The following ADCY9 variants were observed in gnomAD, a reference collection of about 807,000 sequenced individuals.
The protein encoded by ADCY9 is adenylate cyclase type 9.
ADCY9 carries 50 observed loss-of-function variants against 101.5 expected under a neutral mutation model. The observed-to-expected ratio is 0.49, with a 90% confidence interval of 0.39 to 0.62. The LOEUF is 0.62. Ranked by LOEUF, ADCY9 falls within the 20% of genes least tolerant of loss-of-function variation. ADCY9 has a pLI of 0.00. For missense variants in ADCY9, 1,662 were observed against 1,800.4 expected, an observed-to-expected ratio of 0.92 and a Z score of 1.39; for synonymous variants, 905 against 769.3, an observed-to-expected ratio of 1.18 and a Z score of -2.92.
chr16:4,030,443 C>T (rs949977912), intron 2 of ADCY9, among the ~76,000 whole-genome samples: 3 of 152,016 alleles, frequency 2.0e-5, no homozygotes, highest in Non-Finnish European at 2.9e-5. Context: ...GGCTCAAGTC[C>T]GTAATCCCAG....
chr16:4,115,550 A>T lies in ADCY9; in HGVS notation c.-43-65T>A. ...AGGCATGCACGCCTAGAGGCCCGGGACCTGCTCCTGTCCTAAGGGGCGGCT... is the reference window on the plus strand; with the variant it reads ...AGGCATGCACGCCTAGAGGCCCGGGTCCTGCTCCTGTCCTAAGGGGCGGCT... On this transcript the variant is annotated intron_variant, in intron 1 of 10. Coordinates refer to ENST00000294016, the MANE Select transcript of ADCY9 (RefSeq NM_001116.4). This position sits in a 1 kb window ranked among gnomAD's most constrained non-coding sequence, Gnocchi z 6.2. 1 of 1,352,286 alleles carries T rather than the reference A, an allele frequency of 7.4e-7. No homozygotes were observed. The highest frequency in any genetic ancestry group is 9.8e-7 in the Non-Finnish European group (1 of 1,021,162). The allele number at this position is 1,352,286 out of a possible 1,614,324, so 83.8% of individuals were successfully genotyped here.
At chr16:4,045,312 C>T (rs750518969) in intron 2 of ADCY9, among the ~76,000 whole-genome samples, 5 of 152,078 alleles carry the variant, frequency 3.3e-5, no homozygotes, top group East Asian at 1.9e-4. Context: ...AGGAGCCAAA[C>T]GCGGCTGGGC....
rs546699941 is a variant in ADCY9 at position 3,977,968 on chromosome 16, C to T, written c.2680-338G>A. Among the ~76,000 whole-genome samples, 9 of 152,276 alleles carry T rather than the reference C, an allele frequency of 5.9e-5. 1 individual carries two copies. In the East Asian group the frequency reaches 7.7e-4, roughly 13 times the overall value. On this transcript the variant is annotated intron_variant, in intron 8 of 10. Coordinates refer to ENST00000294016, the MANE Select transcript of ADCY9 (RefSeq NM_001116.4). Reference sequence around the variant, plus strand: ...CTGACCTCAGGTGATCCACCTGCCTCGGCCTCTCAAAGTGCCTGGGATTAC... The same window carrying T: ...CTGACCTCAGGTGATCCACCTGCCTTGGCCTCTCAAAGTGCCTGGGATTAC...
chr16:4,007,698 C>T lies in ADCY9; in HGVS notation c.1694-140G>A, dbSNP rs80022374. On this transcript the variant is annotated intron_variant, in intron 2 of 10. Coordinates refer to ENST00000294016, the MANE Select transcript of ADCY9 (RefSeq NM_001116.4). ...AATGTGAATAGGTCATAGTTTACGA[C>T]GGACGTCCACGATCTCTCCAGAGAG... The T allele has an allele frequency of 3.0e-4, 196 of 655,298 alleles. 2 individuals are homozygous for T. Among genetic ancestry groups the T allele is most frequent in the African/African-American group, 2.5e-3 (139 of 54,718 alleles). 40.6% of individuals were successfully genotyped at this position (655,298 alleles called of 1,614,324 possible).
Position 4,114,525 on chromosome 16 carries a change from G to A in ADCY9, c.918C>T (p.Ser306=). The change falls in exon 2 of 11, where the codon TCC becomes TCT. Residue 306 remains serine, a synonymous_variant. Transcript: ENST00000294016. This position sits in a 1 kb window ranked among gnomAD's most constrained non-coding sequence, Gnocchi z 4.3. ...VHLFVMSQVR[S]RSTFLKVGQS... Reference sequence around the variant, plus strand: ...GCCCCACCTTGAGGAAGGTGCTCCTGGACCTCACCTGGGACATGACGAACA... The same window carrying A: ...GCCCCACCTTGAGGAAGGTGCTCCTAGACCTCACCTGGGACATGACGAACA... 1.2e-6 allele frequency: 2 copies of A among 1,614,162 alleles called. No individual in the cohort carries two copies. Among genetic ancestry groups the A allele is most frequent in the Non-Finnish European group, 1.7e-6 (2 of 1,180,042 alleles).
chr16:4,049,263 G>T (rs1416057840), intron 2 of ADCY9, among the ~76,000 whole-genome samples: 2 of 152,166 alleles, frequency 1.3e-5, no homozygotes, highest in Admixed American at 6.5e-5. Context: ...CCTGACCTGG[G>T]ACCAGAGAGA....
At chr16:4,113,365 G>T (rs1267346081) in intron 2 of ADCY9, among the ~76,000 whole-genome samples, 1 of 152,140 alleles carries the variant, frequency 6.6e-6, no homozygotes, top group African/African-American at 2.4e-5. Context: ...ACATTTGGAT[G>T]GGACTTCAGG....
intron 2 of ADCY9, among the ~76,000 whole-genome samples, chr16:4,075,746 CG>C (rs901064303): frequency 7.2e-5 from 11 of 151,864 alleles, no homozygotes; most frequent in Non-Finnish European, 1.6e-4. Context: ...GCTGGGGCAG[CG>C]GGGGGGCCAG....
At chr16:4,066,892 A>G (rs1444212927) in intron 2 of ADCY9, among the ~76,000 whole-genome samples, 1 of 152,256 alleles carries the variant, frequency 6.6e-6, no homozygotes, top group African/African-American at 2.4e-5. Flanking sequence ...TTTCATTTAC[A>G]TATAATTCAA....
chr16:4,109,379 G>C (rs148480561), intron 2 of ADCY9, among the ~76,000 whole-genome samples: 1 of 152,176 alleles, frequency 6.6e-6, no homozygotes, highest in Non-Finnish European at 1.5e-5. Context: ...CCTATTACAA[G>C]AGCAGGAATT....
At chr16:4,093,902 C>T (rs374173642) in intron 2 of ADCY9, among the ~76,000 whole-genome samples, 4 of 152,172 alleles carry the variant, frequency 2.6e-5, no homozygotes, top group Non-Finnish European at 2.9e-5. Flanking sequence ...AGCCTTAGTG[C>T]GAACTGGAAC....
At chr16:4,098,391 G>A in intron 2 of ADCY9, among the ~76,000 whole-genome samples, 1 of 151,828 alleles carries the variant, frequency 6.6e-6, no homozygotes, top group East Asian at 1.9e-4. Flanking sequence ...ACGCCACCAA[G>A]CCCGGCTAAT....
intron 2 of ADCY9, among the ~76,000 whole-genome samples, chr16:4,090,170 C>G (rs2056964536): frequency 6.6e-6 from 1 of 152,088 alleles, no homozygotes; most frequent in South Asian, 2.1e-4. Context: ...GAGGTCAGCC[C>G]TGGAGCAGGC....
At chr16:4,006,217 G>A (rs2056366335) in intron 3 of ADCY9, among the ~76,000 whole-genome samples, 1 of 152,168 alleles carries the variant, frequency 6.6e-6, no homozygotes, top group Non-Finnish European at 1.5e-5. Flanking sequence ...CTGGCAGGTG[G>A]CGGCTAGGGA....
At chr16:3,975,647 A>G (rs1034576935) in intron 9 of ADCY9, among the ~76,000 whole-genome samples, 9 of 152,226 alleles carry the variant, frequency 5.9e-5, no homozygotes, top group Non-Finnish European at 1.0e-4. Flanking sequence ...GGGAGCCAGA[A>G]TGTTAGATCT....
intron 2 of ADCY9, among the ~76,000 whole-genome samples, chr16:4,041,993 G>A (rs9938757): frequency 0.01 from 1,437 of 139,052 alleles, 15 homozygotes; most frequent in African/African-American, 0.036. Context: ...GTGTGATTTC[G>A]ACTCACTGCA....
intron 2 of ADCY9, among the ~76,000 whole-genome samples, chr16:4,050,579 T>C (rs868257592): frequency 2.0e-5 from 3 of 151,730 alleles, no homozygotes; most frequent in African/African-American, 4.8e-5. Context: ...CCGGACGTGG[T>C]GGCGCATGCC....
chr16:4,058,467 G>GA lies in ADCY9; in HGVS notation c.1694-50910dup, dbSNP rs112044690. The stretch of plus-strand genomic sequence containing the variant: ...GAAACAGAGAAACTCTTGTCTCCAA[G>GA]AAAAAAAAAAAAAAAAGAAGAAGAA... On this transcript the variant is annotated intron_variant, in intron 2 of 10. Transcript: ENST00000294016. Among the ~76,000 whole-genome samples, 419 of 94,754 alleles carry GA rather than the reference G, an allele frequency of 4.4e-3. 1 individual carries two copies. The highest frequency in any genetic ancestry group is 0.017 in the Middle Eastern group (3 of 180). The allele number at this position is 94,754 out of a possible 152,430, so 62.2% of individuals were successfully genotyped here. A position where few individuals can be genotyped will look rare whatever the true frequency, so the allele number is the denominator to read the frequency against.
chr16:4,097,487 T>TATATATATATATATACACACACACAC (rs76750792), intron 2 of ADCY9, among the ~76,000 whole-genome samples: 6 of 72,498 alleles, frequency 8.3e-5, no homozygotes, highest in South Asian at 4.7e-4. Flanking sequence ...TATATATATA[T>TATATATATATATATACACACACACAC]ACACACACAC....
Sources: allele counts gnomAD v4.1 joint callset (sites outside exome capture counted in the v4.1 genomes callset), GRCh38; gene constraint gnomAD v4.1.1; non-coding constraint Gnocchi (gnomAD v3.1); transcripts MANE v1.5; gene names NCBI Gene and HGNC (gene_info 2026-07-23, HGNC 2026-07-21).